The following ZDHHC15 variants were observed in gnomAD, a reference collection of about 807,000 sequenced individuals.
ZDHHC15 encodes palmitoyltransferase ZDHHC15.
A neutral mutation model predicts 31.7 loss-of-function variants in ZDHHC15; 19 were observed. The observed-to-expected ratio is 0.60, with a 90% CI of 0.42 to 0.88. ZDHHC15 has a LOEUF of 0.88. Ranked by LOEUF, ZDHHC15 falls within the 40% of genes least tolerant of loss-of-function variation. ZDHHC15 has a pLI of 0.00. For missense variants in ZDHHC15, 209 were observed against 251.2 expected (o/e 0.83, Z 1.14); for synonymous variants, 103 against 90.0 (o/e 1.14, Z -0.82).
chrX:75,516,414 C>A (rs1267987888), intron 1 of ZDHHC15, among the ~76,000 whole-genome samples: 1 of 111,744 alleles, frequency 8.9e-6, no homozygotes, highest in East Asian at 2.8e-4. Flanking sequence ...CAGAACAGAG[C>A]CCTCAGAAAT....
In ZDHHC15 at chrX:75,461,998, G is replaced by C. The variant is rs1046106889; in HGVS notation, c.259-11076C>G. The stretch of plus-strand genomic sequence containing the variant: ...GACACAGACTATAAATCTGGACAAA[G>C]AGCCAAGACCCATTGGTATGCTGTC... On this transcript the variant is annotated intron_variant, in intron 3 of 11. Transcript: ENST00000373367. 1.5e-4 allele frequency among the ~76,000 whole-genome samples: 17 copies of C among 111,712 alleles called. No individual in the cohort carries two copies. The Admixed American group carries it at 1.6e-3, about 11-fold the overall frequency.
intron 11 of ZDHHC15, among the ~76,000 whole-genome samples, chrX:75,374,281 G>C (rs1320022101): frequency 9.1e-6 from 1 of 109,725 alleles, no homozygotes; most frequent in Non-Finnish European, 1.9e-5. Context: ...ACCTAATGTA[G>C]ATATACCACG....
At chrX:75,485,096 T>C (rs1358644456) in intron 2 of ZDHHC15, among the ~76,000 whole-genome samples, 1 of 111,224 alleles carries the variant, frequency 9.0e-6, no homozygotes, top group Non-Finnish European at 1.9e-5. Context: ...AGGGAATCAT[T>C]TGGGGTAATA....
chrX:75,407,087 C>T (rs1016096680), intron 10 of ZDHHC15, among the ~76,000 whole-genome samples: 2 of 112,515 alleles, frequency 1.8e-5, no homozygotes, highest in Non-Finnish European at 3.8e-5. Context: ...GAGATTGCAG[C>T]CTCTGCCCAG....
At chrX:75,426,320 T>C (rs1375690371) in intron 7 of ZDHHC15, among the ~76,000 whole-genome samples, 2 of 111,721 alleles carry the variant, frequency 1.8e-5, no homozygotes, top group African/African-American at 3.3e-5. Context: ...ATAAAGTCAG[T>C]CCACAGTCTG....
At chrX:75,481,915 A>G (rs1408640915) in intron 2 of ZDHHC15, among the ~76,000 whole-genome samples, 1 of 112,267 alleles carries the variant, frequency 8.9e-6, no homozygotes, top group African/African-American at 3.2e-5. Flanking sequence ...ACTTAGCAAT[A>G]AAATGTTAAT....
intron 5 of ZDHHC15, 25 bp downstream of exon 5, chrX:75,431,426 C>A (rs374793786): frequency 8.5e-5 from 101 of 1,195,255 alleles, no homozygotes; most frequent in Non-Finnish European, 1.1e-4. Context: ...AAGCCCAGCC[C>A]AGGGGAAATA....
intron 2 of ZDHHC15, among the ~76,000 whole-genome samples, chrX:75,496,213 T>A (rs1366245902): frequency 9.0e-6 from 1 of 110,898 alleles, no homozygotes; most frequent in Non-Finnish European, 1.9e-5. Flanking sequence ...TATTCTTATA[T>A]CAGACAAAAC....
At chrX:75,490,988 G>C (rs1398200325) in intron 2 of ZDHHC15, among the ~76,000 whole-genome samples, 2 of 111,735 alleles carry the variant, frequency 1.8e-5, no homozygotes, top group Admixed American at 9.5e-5. Context: ...AGGTACTGGA[G>C]AGGATGTGGA....
At chrX:75,503,170 T>C (rs914526422) in intron 2 of ZDHHC15, among the ~76,000 whole-genome samples, 4 of 110,598 alleles carry the variant, frequency 3.6e-5, no homozygotes, top group African/African-American at 9.8e-5. Flanking sequence ...ATCTGAATCC[T>C]GCAAAACCAA....
At chrX:75,471,386 T>C (rs2084501136) in intron 3 of ZDHHC15, among the ~76,000 whole-genome samples, 1 of 112,057 alleles carries the variant, frequency 8.9e-6, no homozygotes, top group South Asian at 3.7e-4. Flanking sequence ...GTGTAAGAAG[T>C]AGCAAATACA....
chrX:75,495,316 C>G (rs1467868559), intron 2 of ZDHHC15, among the ~76,000 whole-genome samples: 2 of 111,652 alleles, frequency 1.8e-5, no homozygotes, highest in Non-Finnish European at 3.8e-5. Context: ...AATAGGAACA[C>G]TTTTACACTA....
chrX:75,487,839 C>A (rs1205383130), intron 2 of ZDHHC15, among the ~76,000 whole-genome samples: 1 of 111,759 alleles, frequency 8.9e-6, no homozygotes, highest in Non-Finnish European at 1.9e-5. Context: ...AAGACAAACA[C>A]AAATTCTGGA....
intron 1 of ZDHHC15, among the ~76,000 whole-genome samples, chrX:75,517,980 A>T (rs1338233291): frequency 9.1e-6 from 1 of 110,304 alleles, no homozygotes; most frequent in African/African-American, 3.3e-5. Context: ...CAAAAACAAA[A>T]AAAAACAAAA....
At chrX:75,422,997 T>A (rs912352040) in intron 8 of ZDHHC15, among the ~76,000 whole-genome samples, 3 of 76,172 alleles carry the variant, frequency 3.9e-5, no homozygotes, top group Non-Finnish European at 6.9e-5. Context: ...GATGTTCCCC[T>A]TCCTGTGTCC....
At chrX:75,395,120 T>A (rs970268217) in intron 10 of ZDHHC15, among the ~76,000 whole-genome samples, 17 of 111,243 alleles carry the variant, frequency 1.5e-4, no homozygotes, top group African/African-American at 5.6e-4. Context: ...TACCAGTAGA[T>A]CAATAAAGAA....
chrX:75,380,997 C>G (rs775633944), intron 10 of ZDHHC15, among the ~76,000 whole-genome samples: 22 of 111,419 alleles, frequency 2.0e-4, no homozygotes, highest in Non-Finnish European at 3.6e-4. Context: ...CATTGGTTCT[C>G]AGAGATTGGG....
chrX:75,429,593 T>C (rs2083754253), intron 6 of ZDHHC15, among the ~76,000 whole-genome samples: 1 of 111,555 alleles, frequency 9.0e-6, no homozygotes, highest in African/African-American at 3.3e-5. Context: ...ATTTGGAAAA[T>C]TGCTGAATTT....
At chrX:75,409,795 TAA>T (rs1189768393) in intron 10 of ZDHHC15, among the ~76,000 whole-genome samples, 35 of 35,528 alleles carry the variant, frequency 9.9e-4, no homozygotes, top group African/African-American at 5.2e-3. Flanking sequence ...ACCCCATCTC[TAA>T]AAAAAAAAAA....
Sources: allele counts gnomAD v4.1 joint callset (sites outside exome capture counted in the v4.1 genomes callset), GRCh38; gene constraint gnomAD v4.1.1; transcripts MANE v1.5; gene names NCBI Gene and HGNC (gene_info 2026-07-23, HGNC 2026-07-21).